The following CSMD1 variants were observed in gnomAD, a reference collection of about 807,000 sequenced individuals.
The protein encoded by CSMD1 is CUB and sushi domain-containing protein 1.
A neutral mutation model predicts 417.5 loss-of-function variants in CSMD1; 213 were observed. The ratio of observed to expected loss-of-function variants is 0.51; its 90% CI spans 0.46 to 0.57. The LOEUF (loss-of-function observed/expected upper bound fraction) is 0.57. CSMD1 is among the 20% of genes least tolerant of loss of function. The probability of loss-of-function intolerance (pLI) is 0.00; values close to 1 mark genes in which losing one functional copy is unlikely to be tolerated. For missense variants in CSMD1, 6,923 were observed against 4,529.7 expected (o/e 1.53, Z -15.17); for synonymous variants, 2,862 against 1,736.8 (o/e 1.65, Z -16.11).
At chr8:3,233,533 G>T (rs183397352) in intron 26 of CSMD1, among the ~76,000 whole-genome samples, 1 of 152,146 alleles carries the variant, frequency 6.6e-6, no homozygotes. Flanking sequence ...TGGTTTGTTC[G>T]TTTTGTTTTG....
intron 1 of CSMD1, among the ~76,000 whole-genome samples, chr8:4,737,307 G>T (rs927879532): frequency 2.0e-5 from 3 of 152,038 alleles, no homozygotes; most frequent in African/African-American, 7.2e-5. Context: ...GAGACATGGG[G>T]AGGAACAACA....
At chr8:4,289,932 A>T (rs557833695) in intron 3 of CSMD1, among the ~76,000 whole-genome samples, 1 of 152,348 alleles carries the variant, frequency 6.6e-6, no homozygotes, top group South Asian at 2.1e-4. Context: ...AGTAATTAGA[A>T]TCATTATTGA....
intron 40 of CSMD1, among the ~76,000 whole-genome samples, chr8:3,147,729 C>T (rs1021295902): frequency 2.0e-5 from 3 of 152,102 alleles, no homozygotes; most frequent in Non-Finnish European, 2.9e-5. Context: ...ATCAAGTTTC[C>T]CATAACGTCT....
intron 3 of CSMD1, among the ~76,000 whole-genome samples, chr8:4,146,589 G>C (rs1368748400): frequency 1.2e-5 from 1 of 85,128 alleles, no homozygotes; most frequent in Non-Finnish European, 2.4e-5. Flanking sequence ...TGTTTATATG[G>C]ACACATTTTT....
At chr8:4,475,090 G>A (rs976573986) in intron 2 of CSMD1, among the ~76,000 whole-genome samples, 1 of 152,078 alleles carries the variant, frequency 6.6e-6, no homozygotes, top group Non-Finnish European at 1.5e-5. Flanking sequence ...TTATTTTTAA[G>A]CATTTGAAAA....
chr8:4,089,367 G>A (rs1034094946), intron 3 of CSMD1, among the ~76,000 whole-genome samples: 21 of 152,284 alleles, frequency 1.4e-4, no homozygotes, highest in African/African-American at 3.6e-4. Context: ...TCACTGAGAA[G>A]ACATTTTCAG....
intron 8 of CSMD1, among the ~76,000 whole-genome samples, chr8:3,597,560 G>C (rs1434889036): frequency 1.3e-5 from 2 of 152,156 alleles, no homozygotes; most frequent in Non-Finnish European, 2.9e-5. Flanking sequence ...CTGAGGCCAA[G>C]AATTGTCATT....
intron 1 of CSMD1, among the ~76,000 whole-genome samples, chr8:4,916,367 A>C (rs1386947883): frequency 6.6e-6 from 1 of 152,246 alleles, no homozygotes; most frequent in Admixed American, 6.5e-5. Context: ...CTTTGAAAAA[A>C]GTATTCTGGT....
At chr8:4,374,709 C>T (rs1802609809) in intron 3 of CSMD1, among the ~76,000 whole-genome samples, 1 of 152,062 alleles carries the variant, frequency 6.6e-6, no homozygotes, top group Non-Finnish European at 1.5e-5. Flanking sequence ...GCAGCTGCAT[C>T]CGTGTCTGGA....
intron 2 of CSMD1, among the ~76,000 whole-genome samples, chr8:4,511,403 T>C (rs747141837): frequency 4.6e-5 from 7 of 152,164 alleles, no homozygotes; most frequent in Non-Finnish European, 7.3e-5. Context: ...TTTGCAAACT[T>C]GCTGGTTTCT....
intron 7 of CSMD1, among the ~76,000 whole-genome samples, chr8:3,695,773 A>T (rs557445050): frequency 1.3e-5 from 2 of 152,358 alleles, no homozygotes; most frequent in East Asian, 1.9e-4. Context: ...TCAATACATG[A>T]TGAACTGGAT....
At chr8:4,302,872 A>C (rs551421030) in intron 3 of CSMD1, among the ~76,000 whole-genome samples, 1 of 152,210 alleles carries the variant, frequency 6.6e-6, no homozygotes, top group South Asian at 2.1e-4. Flanking sequence ...CCAGCAGTTT[A>C]AATGTTGGCC....
intron 2 of CSMD1, among the ~76,000 whole-genome samples, chr8:4,425,706 T>C (rs1230319933): frequency 2.0e-5 from 3 of 152,120 alleles, no homozygotes; most frequent in African/African-American, 7.2e-5. Flanking sequence ...TTTCAACACA[T>C]AGTAAATTAC....
At chr8:3,668,839 C>T (rs933449758) in intron 7 of CSMD1, among the ~76,000 whole-genome samples, 4 of 152,236 alleles carry the variant, frequency 2.6e-5, no homozygotes, top group South Asian at 4.1e-4. Flanking sequence ...ATAGAATGAA[C>T]ACAATTATAG....
intron 3 of CSMD1, among the ~76,000 whole-genome samples, chr8:4,035,536 G>C (rs1297930179): frequency 1.3e-5 from 2 of 152,170 alleles, no homozygotes; most frequent in South Asian, 2.1e-4. Context: ...AAGACGTCAA[G>C]GTGGAAGAGA....
intron 7 of CSMD1, among the ~76,000 whole-genome samples, chr8:3,680,295 C>G (rs1799582561): frequency 6.6e-6 from 1 of 151,910 alleles, no homozygotes; most frequent in South Asian, 2.1e-4. Context: ...ACTAGCAAGA[C>G]TAATAAAGAA....
intron 23 of CSMD1, among the ~76,000 whole-genome samples, chr8:3,318,166 G>C (rs1011002348): frequency 1.3e-5 from 2 of 152,128 alleles, no homozygotes; most frequent in Non-Finnish European, 2.9e-5. Flanking sequence ...ATTATATATA[G>C]TACCTTAGGC....
intron 2 of CSMD1, among the ~76,000 whole-genome samples, chr8:4,573,779 C>T (rs1211338660): frequency 8.5e-5 from 13 of 152,174 alleles, no homozygotes; most frequent in African/African-American, 2.2e-4. Context: ...ATCTATGAGC[C>T]GCTGACTGGG....
At chr8:3,130,363 G>A (rs147887055) in intron 41 of CSMD1, among the ~76,000 whole-genome samples, 174 of 152,218 alleles carry the variant, frequency 1.1e-3, no homozygotes, top group Admixed American at 4.9e-3. Flanking sequence ...CGATGCAGGT[G>A]TGTTGGAGCT....
Sources: gnomAD v4.1 joint callset for allele counts (sites outside exome capture counted in the v4.1 genomes callset) on GRCh38, gnomAD v4.1.1 for gene constraint, MANE v1.5 for transcripts, NCBI Gene and HGNC (gene_info 2026-07-23, HGNC 2026-07-21) for gene names.